Variants in ENTREP2 observed in about 807,000 individuals in gnomAD.
ENTREP2 encodes the protein protein ENTREP2.
chr15:29,534,708 G>A, the ENTREP2 span, among the ~76,000 whole-genome samples: 1 of 152,138 alleles, frequency 6.6e-6, no homozygotes. Flanking sequence ...GCAAGCCCAG[G>A]GCGAGGCATC....
the ENTREP2 span, among the ~76,000 whole-genome samples, chr15:29,296,502 ATAAC>A: frequency 1.3e-5 from 2 of 152,204 alleles, no homozygotes; most frequent in East Asian, 3.8e-4. Context: ...AAACTACAAA[ATAAC>A]TAGGCCCAAA....
At chr15:29,468,934 A>G in the ENTREP2 span, among the ~76,000 whole-genome samples, 1 of 152,176 alleles carries the variant, frequency 6.6e-6, no homozygotes, top group African/African-American at 2.4e-5. Context: ...TCCAACGTTA[A>G]GGTAACACAC....
At chr15:29,308,027 G>A in the ENTREP2 span, among the ~76,000 whole-genome samples, 1 of 152,130 alleles carries the variant, frequency 6.6e-6, no homozygotes, top group Admixed American at 6.5e-5. Context: ...GTAATAATGT[G>A]TTTATATATT....
the ENTREP2 span, among the ~76,000 whole-genome samples, chr15:29,369,641 CTAGA>C: frequency 8.8e-4 from 134 of 151,984 alleles, no homozygotes; most frequent in African/African-American, 3.0e-3. Context: ...GTGTGCAAAA[CTAGA>C]TAGACAGTAA....
the ENTREP2 span, among the ~76,000 whole-genome samples, chr15:29,163,732 A>G: frequency 6.6e-6 from 1 of 152,202 alleles, no homozygotes; most frequent in East Asian, 1.9e-4. Context: ...AAAAGCTTGG[A>G]AAACATATCT....
the ENTREP2 span, among the ~76,000 whole-genome samples, chr15:29,433,430 C>T: frequency 6.6e-6 from 1 of 152,288 alleles, no homozygotes; most frequent in African/African-American, 2.4e-5. Context: ...AGTGATTTAG[C>T]TACATTTTAT....
chr15:29,426,534 TA>T, the ENTREP2 span, among the ~76,000 whole-genome samples: 1 of 152,232 alleles, frequency 6.6e-6, no homozygotes, highest in African/African-American at 2.4e-5. Flanking sequence ...TTTTCTCTCC[TA>T]ATTTCCCCAT....
chr15:29,574,768 T>G, the ENTREP2 span, among the ~76,000 whole-genome samples: 1 of 152,142 alleles, frequency 6.6e-6, no homozygotes, highest in Non-Finnish European at 1.5e-5. Context: ...ACATAATGGA[T>G]GAGAAAGAAT....
At chr15:29,428,917 A>G in the ENTREP2 span, among the ~76,000 whole-genome samples, 1 of 152,224 alleles carries the variant, frequency 6.6e-6, no homozygotes, top group Non-Finnish European at 1.5e-5. Context: ...GAGAGGCAGC[A>G]GAATTTGCAG....
the ENTREP2 span, among the ~76,000 whole-genome samples, chr15:29,456,365 A>T: frequency 6.6e-6 from 1 of 152,204 alleles, no homozygotes; most frequent in African/African-American, 2.4e-5. Flanking sequence ...GGGGTAGTGA[A>T]GTTGCTGGGG....
the ENTREP2 span, among the ~76,000 whole-genome samples, chr15:29,331,024 G>A: frequency 6.6e-6 from 1 of 152,174 alleles, no homozygotes; most frequent in Non-Finnish European, 1.5e-5. Context: ...CTCAGGGGCT[G>A]TGTCCCCACT....
the ENTREP2 span, among the ~76,000 whole-genome samples, chr15:29,638,617 C>T: frequency 6.6e-6 from 1 of 152,192 alleles, no homozygotes; most frequent in East Asian, 1.9e-4. Context: ...TGGTTCACAC[C>T]TGTAATCCCA....
the ENTREP2 span, among the ~76,000 whole-genome samples, chr15:29,555,960 A>G: frequency 6.6e-6 from 1 of 152,192 alleles, no homozygotes; most frequent in African/African-American, 2.4e-5. Flanking sequence ...CTTCCCGAAG[A>G]AGGGGAATTC....
chr15:29,282,501 G>C, the ENTREP2 span, among the ~76,000 whole-genome samples: 1 of 152,172 alleles, frequency 6.6e-6, no homozygotes, highest in African/African-American at 2.4e-5. Context: ...GTGGTCCATT[G>C]TGAGTATCCA....
the ENTREP2 span, among the ~76,000 whole-genome samples, chr15:29,451,285 C>T: frequency 6.6e-6 from 1 of 152,250 alleles, no homozygotes; most frequent in East Asian, 1.9e-4. Flanking sequence ...CGGCCCTCGG[C>T]CCTCGGCCCT....
chr15:29,360,856 T>C, the ENTREP2 span, among the ~76,000 whole-genome samples: 1 of 152,172 alleles, frequency 6.6e-6, no homozygotes, highest in African/African-American at 2.4e-5. Context: ...CGAGAAGCTA[T>C]TCCCTGGACA....
chr15:29,217,134 C>T, the ENTREP2 span, among the ~76,000 whole-genome samples: 2 of 152,262 alleles, frequency 1.3e-5, no homozygotes, highest in South Asian at 2.1e-4. Context: ...GTGATAGGCC[C>T]GGGGCTTGGG....
chr15:29,533,867 C>G, the ENTREP2 span, among the ~76,000 whole-genome samples: 1 of 152,088 alleles, frequency 6.6e-6, no homozygotes, highest in Non-Finnish European at 1.5e-5. Context: ...AATGAGCCAA[C>G]AGCAGACCCC....
At chr15:29,457,348 C>T in the ENTREP2 span, among the ~76,000 whole-genome samples, 1 of 152,242 alleles carries the variant, frequency 6.6e-6, no homozygotes, top group African/African-American at 2.4e-5. Flanking sequence ...TGAGCCTCAA[C>T]GTTTAGAAAT....
Sources: gnomAD v4.1 joint callset for allele counts (sites outside exome capture counted in the v4.1 genomes callset) on GRCh38, gnomAD v4.1.1 for gene constraint, MANE v1.5 for transcripts, NCBI Gene and HGNC (gene_info 2026-07-23, HGNC 2026-07-21) for gene names.